Variants in GLIS3 observed in about 807,000 individuals in gnomAD.
The protein encoded by GLIS3 is zinc finger protein GLIS3.
GLIS3 carries 53 observed loss-of-function variants against 78.6 expected under a neutral mutation model. That is an observed-to-expected ratio of 0.67 (90% CI 0.54 to 0.85). The LOEUF (loss-of-function observed/expected upper bound fraction) is 0.85, where lower values mean the gene tolerates loss of function less well. Among genes scored for constraint, GLIS3 ranks in the 40% least tolerant of loss-of-function variants. The probability of loss-of-function intolerance (pLI) is 0.00; values close to 1 mark genes in which losing one functional copy is unlikely to be tolerated. For missense variants in GLIS3, 1,703 were observed against 1,231.1 expected (o/e 1.38, Z -5.74); for synonymous variants, 684 against 509.9 (o/e 1.34, Z -4.60).
At chr9:3,942,329 T>C (rs1273398249) in intron 4 of GLIS3, among the ~76,000 whole-genome samples, 1 of 152,148 alleles carries the variant, frequency 6.6e-6, no homozygotes, top group Non-Finnish European at 1.5e-5. Flanking sequence ...ATCCCATTAG[T>C]GATGGCTGAT....
chr9:4,240,954 AGT>A (rs3063675), intron 2 of GLIS3, among the ~76,000 whole-genome samples: 83,308 of 151,786 alleles, frequency 0.55, 23,387 homozygotes, highest in East Asian at 0.67. Flanking sequence ...AATATGTATG[AGT>A]GTGTGTGTGT....
intron 2 of GLIS3, among the ~76,000 whole-genome samples, chr9:4,137,131 G>C (rs1833461727): frequency 6.6e-6 from 1 of 152,218 alleles, no homozygotes; most frequent in Admixed American, 6.5e-5. Context: ...CAATGGTTAT[G>C]AAGCAAGTTA....
chr9:4,096,492 G>C (rs879647096), intron 4 of GLIS3, among the ~76,000 whole-genome samples: 8 of 152,186 alleles, frequency 5.3e-5, no homozygotes, highest in Admixed American at 5.2e-4. Flanking sequence ...ATTTTTAAAG[G>C]TGGGGTTGGA....
intron 2 of GLIS3, among the ~76,000 whole-genome samples, chr9:4,217,714 G>C (rs1820980046): frequency 6.6e-6 from 1 of 152,200 alleles, no homozygotes; most frequent in Admixed American, 6.5e-5. Context: ...TCTAGAACCT[G>C]TGGTCTCTTA....
intron 2 of GLIS3, among the ~76,000 whole-genome samples, chr9:4,330,528 GGGAGATGAAGGGAGGT>G (rs1429803201): frequency 6.6e-6 from 1 of 152,140 alleles, no homozygotes; most frequent in Non-Finnish European, 1.5e-5. Context: ...CTTAGGTGGA[GGGAGATGAAGGGAGGT>G]GGAGATGAAG....
At chr9:4,136,061 C>T (rs1413870373) in intron 2 of GLIS3, among the ~76,000 whole-genome samples, 2 of 152,050 alleles carry the variant, frequency 1.3e-5, no homozygotes, top group Non-Finnish European at 2.9e-5. Flanking sequence ...ATGAAATAAC[C>T]GGCTCCTATA....
intron 6 of GLIS3, among the ~76,000 whole-genome samples, chr9:3,908,440 G>A (rs1823870313): frequency 1.3e-5 from 2 of 152,206 alleles, no homozygotes; most frequent in African/African-American, 4.8e-5. Context: ...CTGAGTGTTA[G>A]TGATTCTGAT....
the GLIS3 span, among the ~76,000 whole-genome samples, chr9:4,363,049 G>A: frequency 7.2e-5 from 11 of 152,136 alleles, no homozygotes; most frequent in Admixed American, 3.9e-4. Flanking sequence ...TCTGTGAATT[G>A]GAGATCAGTT....
intron 2 of GLIS3, among the ~76,000 whole-genome samples, chr9:4,204,569 G>A (rs1389298904): frequency 2.0e-5 from 3 of 152,108 alleles, no homozygotes; most frequent in Admixed American, 1.3e-4. Flanking sequence ...CAGAGAACCA[G>A]GGAGGTTGAA....
chr9:4,286,833 C>G (rs867331598), intron 1 of GLIS3, among the ~76,000 whole-genome samples: 9 of 152,150 alleles, frequency 5.9e-5, no homozygotes, highest in Non-Finnish European at 1.2e-4. Flanking sequence ...ATTTTGTTCC[C>G]TAGAGGATCT....
chr9:4,270,662 A>G (rs890574922), intron 2 of GLIS3, among the ~76,000 whole-genome samples: 5 of 152,186 alleles, frequency 3.3e-5, no homozygotes, highest in African/African-American at 9.7e-5. Context: ...ACAGTCTGAC[A>G]ATAAACATAA....
chr9:4,432,330 T>C, the GLIS3 span, among the ~76,000 whole-genome samples: 1 of 152,176 alleles, frequency 6.6e-6, no homozygotes, highest in Non-Finnish European at 1.5e-5. Context: ...AGTTGATTCT[T>C]AAAGCTAGGG....
the GLIS3 span, among the ~76,000 whole-genome samples, chr9:4,432,314 G>C: frequency 2.0e-5 from 3 of 152,186 alleles, no homozygotes; most frequent in African/African-American, 4.8e-5. Flanking sequence ...GATCAGGAAA[G>C]GCCATAGTTG....
chr9:3,954,742 A>G lies in GLIS3; in HGVS notation c.1711-17553T>C, dbSNP rs183751348. On this transcript the variant is annotated intron_variant, in intron 4 of 10. Transcript: ENST00000381971. ...AAGGAAGGATTAAGCTCTGTATCTTATGGAGAAAGAATGAATATTAGAAAT... is the reference window on the plus strand; with the variant it reads ...AAGGAAGGATTAAGCTCTGTATCTTGTGGAGAAAGAATGAATATTAGAAAT... Among the ~76,000 whole-genome samples the G allele has an allele frequency of 1.4e-4, 22 of 152,368 alleles. No homozygotes were observed. The East Asian group carries it at 4.2e-3, about 29-fold the overall frequency.
At chr9:3,898,615 G>C (rs766359946) in intron 7 of GLIS3, 76 bp downstream of exon 7, 2 of 1,584,610 alleles carry the variant, frequency 1.3e-6, no homozygotes, top group South Asian at 1.1e-5. Context: ...TTTTTCTCAC[G>C]TGAGCATTCC....
intron 1 of GLIS3, among the ~76,000 whole-genome samples, chr9:4,289,916 A>C (rs1395277658): frequency 6.6e-6 from 1 of 152,176 alleles, no homozygotes; most frequent in Non-Finnish European, 1.5e-5. Context: ...AAACTAAGGC[A>C]CAAAACCATT....
At chr9:3,923,116 C>A (rs1260743056) in intron 6 of GLIS3, among the ~76,000 whole-genome samples, 1 of 152,180 alleles carries the variant, frequency 6.6e-6, no homozygotes. Flanking sequence ...AGCCACTTAT[C>A]TAAAGACTGT....
chr9:4,386,348 TTTG>T, the GLIS3 span: 1 of 151,530 alleles, frequency 6.6e-6, no homozygotes, highest in African/African-American at 2.4e-5. Flanking sequence ...TATTTTTATT[TTTG>T]TTTTTATTTT....
the GLIS3 span, among the ~76,000 whole-genome samples, chr9:4,435,350 G>T: frequency 6.6e-6 from 1 of 152,198 alleles, no homozygotes; most frequent in Non-Finnish European, 1.5e-5. Flanking sequence ...CACAAGGAAG[G>T]TTGGGTAATG....
Sources: allele counts gnomAD v4.1 joint callset (sites outside exome capture counted in the v4.1 genomes callset), GRCh38; gene constraint gnomAD v4.1.1; transcripts MANE v1.5; gene names NCBI Gene and HGNC (gene_info 2026-07-23, HGNC 2026-07-21).